The following ZCWPW2 variants were observed in gnomAD, a reference collection of about 807,000 sequenced individuals.
ZCWPW2 encodes zinc finger CW-type PWWP domain protein 2.
A neutral mutation model predicts 46.6 loss-of-function variants in ZCWPW2; 45 were observed. The observed-to-expected ratio is 0.96, with a 90% confidence interval of 0.76 to 1.24. The LOEUF (loss-of-function observed/expected upper bound fraction) is 1.24. Among genes scored for constraint, ZCWPW2 ranks in the 50% most tolerant of loss-of-function variants. The pLI is 0.00. For synonymous variants in ZCWPW2, 152 were observed against 137.1 expected (o/e 1.11, Z -0.76); for missense variants, 429 against 403.9 (o/e 1.06, Z -0.53).
intron 4 of ZCWPW2, chr3:28,447,712 A>G: frequency 3.6e-6 from 2 of 549,140 alleles, no homozygotes; most frequent in Non-Finnish European, 3.5e-6. Context: ...AACGTTGTCT[A>G]GAGGCACTCA....
intron 4 of ZCWPW2, among the ~76,000 whole-genome samples, chr3:28,477,636 C>A (rs1699278859): frequency 6.6e-6 from 1 of 152,118 alleles, no homozygotes; most frequent in African/African-American, 2.4e-5. Flanking sequence ...AATATGGTGA[C>A]ATTTGAGAAG....
At chr3:28,422,767 A>ATG (rs746623681) in intron 3 of ZCWPW2, among the ~76,000 whole-genome samples, 34 of 151,184 alleles carry the variant, frequency 2.2e-4, no homozygotes, top group African/African-American at 4.6e-4. Flanking sequence ...TGCTATGAGT[A>ATG]TGTGTGTGTG....
intron 4 of ZCWPW2, among the ~76,000 whole-genome samples, chr3:28,473,804 T>C (rs1051852067): frequency 2.6e-5 from 4 of 152,182 alleles, no homozygotes; most frequent in African/African-American, 9.7e-5. Flanking sequence ...TCTCACTTAT[T>C]TGTGGGAGCT....
chr3:28,411,114 CAT>C (rs1388559034), intron 2 of ZCWPW2, among the ~76,000 whole-genome samples: 2 of 151,702 alleles, frequency 1.3e-5, no homozygotes, highest in African/African-American at 2.4e-5. Context: ...TTTATACACA[CAT>C]GTAAAAATAT....
intron 1 of ZCWPW2, among the ~76,000 whole-genome samples, chr3:28,355,215 A>G (rs1480185704): frequency 6.6e-6 from 1 of 151,748 alleles, no homozygotes; most frequent in Non-Finnish European, 1.5e-5. Context: ...AATAACAGAC[A>G]AACAGTCAAA....
In ZCWPW2 at chr3:28,365,327, C is replaced by A. The variant is rs564076407; in HGVS notation, c.-134+16124C>A. ...TCCATCTTGAATTAATTTTTGTATA[C>A]AGTGTAAGGAAGGGATCCAGTTTCA... On this transcript the variant is annotated intron_variant, in intron 1 of 9. Transcript: ENST00000383768. Among the ~76,000 whole-genome samples the A allele has an allele frequency of 1.0e-4, 14 of 140,586 alleles. 2 individuals are homozygous for A. Among genetic ancestry groups the A allele is most frequent in the East Asian group, 5.9e-4 (3 of 5,124 alleles). The allele number at this position is 140,586 out of a possible 152,430, so 92.2% of individuals were successfully genotyped here.
intron 4 of ZCWPW2, among the ~76,000 whole-genome samples, chr3:28,449,004 C>T (rs1698121048): frequency 6.6e-6 from 1 of 151,934 alleles, no homozygotes; most frequent in Non-Finnish European, 1.5e-5. Context: ...CTCACACTTC[C>T]TGATTTCAAA....
At chr3:28,397,932 A>G (rs1343486542) in intron 2 of ZCWPW2, 2 of 152,188 alleles carry the variant, frequency 1.3e-5, no homozygotes, top group Non-Finnish European at 2.9e-5. Flanking sequence ...TGTTCTAATG[A>G]AGTTCTCATT....
At chr3:28,514,028 T>A in intron 6 of ZCWPW2, 36 bp from the exon 7 acceptor site, 1 of 1,456,848 alleles carries the variant, frequency 6.9e-7, no homozygotes, top group Non-Finnish European at 9.3e-7. Context: ...TTTAGTCCTA[T>A]ATGAACTAAC....
intron 1 of ZCWPW2, among the ~76,000 whole-genome samples, chr3:28,379,801 G>C (rs1352522603): frequency 6.6e-6 from 1 of 152,008 alleles, no homozygotes; most frequent in African/African-American, 2.4e-5. Flanking sequence ...CTAGAGAATA[G>C]AAAAACGTGA....
rs1051595923 is a variant in ZCWPW2, at chr3:28,479,810, A to G, written c.610+879A>G. Among the ~76,000 whole-genome samples the G allele has an allele frequency of 1.1e-4, 17 of 152,264 alleles. No individual in the cohort carries two copies. In the South Asian group the frequency reaches 2.1e-3, roughly 19 times the overall value. On this transcript the variant is annotated intron_variant, in intron 5 of 9. Coordinates refer to ENST00000383768, the MANE Select transcript of ZCWPW2 (RefSeq NM_001040432.4). ...GTTCCTGCATTAGTTTGCTAATGCT[A>G]ATGGCATCCAGCTCCATCCATGTCC...
intron 3 of ZCWPW2, among the ~76,000 whole-genome samples, chr3:28,420,116 G>T (rs1406768747): frequency 2.6e-5 from 4 of 151,370 alleles, no homozygotes; most frequent in African/African-American, 9.7e-5. Flanking sequence ...TTTTTTGAAG[G>T]GGTTTTTGTG....
rs187010639 is a variant in ZCWPW2 at position 28,514,086 on chromosome 3, T to A, written c.680T>A (p.Ile227Asn). 1.5e-5 allele frequency: 22 copies of A among 1,510,226 alleles called. No individual in the cohort carries two copies. The highest frequency in any genetic ancestry group is 1.9e-5 in the Non-Finnish European group (21 of 1,103,062). The allele number at this position is 1,510,226 out of a possible 1,614,324, so 93.6% of individuals were successfully genotyped here. The change falls in exon 7 of 10, where the codon ATT (isoleucine) becomes AAT (asparagine). Residue 227 changes from isoleucine to asparagine, a missense_variant. Coordinates refer to ENST00000383768, the MANE Select transcript of ZCWPW2 (RefSeq NM_001040432.4). The stretch of plus-strand genomic sequence containing the variant: ...TAGAAGCAGACTTCTAAAAATAATA[T>A]TGAAAAGAAGAAGCCCAAATTTAGA... ...KKRKQTSKNNIEKKKPKFRKR... is the reference protein window; with the variant it reads ...KKRKQTSKNNNEKKKPKFRKR...
At chr3:28,364,829 A>G (rs546329987) in intron 1 of ZCWPW2, among the ~76,000 whole-genome samples, 2 of 151,962 alleles carry the variant, frequency 1.3e-5, no homozygotes, top group East Asian at 1.9e-4. Flanking sequence ...TCCAGCACCT[A>G]TTGTTTCCTG....
At chr3:28,363,679 G>A (rs573128036) in intron 1 of ZCWPW2, among the ~76,000 whole-genome samples, 1 of 152,184 alleles carries the variant, frequency 6.6e-6, no homozygotes, top group East Asian at 1.9e-4. Flanking sequence ...ACCTGTGCTA[G>A]TCACCCCAGA....
intron 1 of ZCWPW2, among the ~76,000 whole-genome samples, chr3:28,349,579 C>T (rs995206465): frequency 6.6e-6 from 1 of 152,086 alleles, no homozygotes; most frequent in Admixed American, 6.5e-5. Flanking sequence ...GAGTTGCGCC[C>T]GGCTTCCCTG....
intron 1 of ZCWPW2, among the ~76,000 whole-genome samples, chr3:28,374,990 T>TTTGCAATATTTAATA (rs1705456583): frequency 6.6e-6 from 1 of 152,048 alleles, no homozygotes; most frequent in East Asian, 1.9e-4. Context: ...ATTTGCTTTG[T>TTTGCAATATTTAATA]ATACTTGAGA....
chr3:28,513,525 T>TC (rs1315112944), intron 6 of ZCWPW2, among the ~76,000 whole-genome samples: 3 of 152,000 alleles, frequency 2.0e-5, no homozygotes, highest in Non-Finnish European at 4.4e-5. Context: ...ATCCTTGGAG[T>TC]CCCTAGGCTT....
chr3:28,376,728 T>G (rs1272305099), intron 1 of ZCWPW2, among the ~76,000 whole-genome samples: 3 of 152,146 alleles, frequency 2.0e-5, no homozygotes, highest in Non-Finnish European at 4.4e-5. Flanking sequence ...GAAGCTTGAT[T>G]CCTTGTACTC....
Sources: gnomAD v4.1 joint callset for allele counts (sites outside exome capture counted in the v4.1 genomes callset) on GRCh38, gnomAD v4.1.1 for gene constraint, MANE v1.5 for transcripts, NCBI Gene and HGNC (gene_info 2026-07-23, HGNC 2026-07-21) for gene names.